The following COL5A3 variants were observed in gnomAD, a reference collection of about 807,000 sequenced individuals.
The protein encoded by COL5A3 is collagen type V alpha 3 chain, also known as collagen alpha-3(V) chain.
A neutral mutation model predicts 250.0 loss-of-function variants in COL5A3; 172 were observed. The observed-to-expected ratio is 0.69, with a 90% CI of 0.61 to 0.78. The LOEUF (loss-of-function observed/expected upper bound fraction) is 0.78. COL5A3 is among the 30% of genes least tolerant of loss of function. The pLI is 0.00. For synonymous variants in COL5A3, 937 were observed against 900.4 expected (o/e 1.04, Z -0.73); for missense variants, 2,340 against 2,334.4 (o/e 1.00, Z -0.05).
In COL5A3 at chr19:9,996,501, C is replaced by T. The variant is rs377502431; in HGVS notation, c.1354G>A (p.Gly452Ser). 2.1e-5 allele frequency: 34 copies of T among 1,614,000 alleles called. No individual in the cohort carries two copies. The highest frequency in any genetic ancestry group is 1.3e-4 in the African/African-American group (10 of 74,920). The change falls in exon 13 of 67, where the codon GGC becomes AGC. Residue 452 changes from glycine to serine, a missense_variant. Physicochemically the swap from Gly to Ser is moderately conservative, Grantham distance 56 (BLOSUM62 0). This residue lies in a region of COL5A3 where 1,152 missense variants were observed against 1,146.3 expected (regional missense o/e 1.00). Coordinates refer to ENST00000264828, the MANE Select transcript of COL5A3 (RefSeq NM_015719.4). ...GAGACTGGGGGGCCTTTAAAGGAGC[C>T]GCCTGCAAACTGGAACTGGGAGGAA... ...VIMMPFQFAG[G>S]SFKGPPVSFQ...
intron 51 of COL5A3, 53 bp from the exon 52 acceptor site, chr19:9,971,311 C>T (rs767395784): frequency 2.2e-6 from 3 of 1,364,242 alleles, no homozygotes; most frequent in Admixed American, 2.5e-5. Flanking sequence ...AGCAATCATG[C>T]ATTTATGGAA....
rs766123864 is a variant in COL5A3, at chr19:9,967,335, C to T, written c.4458+12G>A. The T allele has an allele frequency of 4.2e-6, 6 of 1,426,464 alleles. No homozygotes were observed. Among genetic ancestry groups the T allele is most frequent in the East Asian group, 6.0e-5 (2 of 33,450 alleles). 88.4% of individuals were successfully genotyped at this position (1,426,464 alleles called of 1,614,324 possible). A position where few individuals can be genotyped will look rare whatever the true frequency, so the allele number is the denominator to read the frequency against. On this transcript the variant is annotated intron_variant, in intron 62 of 66. Transcript: ENST00000264828. ...TTTTGGTGTCCATTCCCCCGCCCCC[C>T]GGGGAACTCACCGGGGGGCCTGGTG... is the stretch of plus-strand genomic sequence containing the variant.
At chr19:9,996,754 G>A (rs2087280016) in intron 11 of COL5A3, 65 bp from the exon 12 acceptor site, 4 of 1,281,030 alleles carry the variant, frequency 3.1e-6, no homozygotes, top group Admixed American at 2.6e-5. Context: ...GCGAGGACAG[G>A]GGAGGCACAG....
chr19:9,968,431 T>A lies in COL5A3; in HGVS notation c.4268A>T (p.Gln1423Leu), dbSNP rs1404780116. Residue 1423 changes from glutamine to leucine, a missense_variant, in exon 59 of 67, where the codon CAG becomes CTG. Gln to Leu is a moderately radical substitution (Grantham distance 113, BLOSUM62 -2). Transcript: ENST00000264828. The surrounding 1 kb of genome is among the most constrained non-coding windows in gnomAD (Gnocchi z 4.1). ...GGGTCCCTGCACGCCTGGCAACCCC[T>A]GATCTCCTTTCTCACCAGCTTCTCC... ...PPGEAGEKGD[Q>L]GLPGVQGPPG... 6 of 1,591,036 alleles carry A rather than the reference T, an allele frequency of 3.8e-6. No individual in the cohort carries two copies.
Position 9,960,400 on chromosome 19 carries a change from C to A in COL5A3, c.*11G>T, listed in dbSNP as rs369236503. On this transcript the variant is annotated 3_prime_UTR_variant, in exon 67 of 67. Transcript: ENST00000264828. ...GGGGCTCCCTCATGGTCCCTCCCAC[C>A]CCGGACACTCTCAGCTGCTGAAGCA... 1.2e-6 allele frequency: 2 copies of A among 1,613,974 alleles called. No homozygotes were observed. Among genetic ancestry groups the A allele is most frequent in the Non-Finnish European group, 8.5e-7 (1 of 1,180,036 alleles).
rs1371150070 is a variant in COL5A3 at position 10,009,662 on chromosome 19, T to C, written c.88+636A>G. Among the ~76,000 whole-genome samples the C allele has an allele frequency of 6.6e-6, 1 of 151,854 alleles. No homozygotes were observed. The highest frequency in any genetic ancestry group is 1.5e-5 in the Non-Finnish European group (1 of 67,980). ...GGGAGGAGATGGGCGCTCGCCAATT[T>C]GGGGCAGAGGAGGAAAAGGGAGAAT... On this transcript the variant is annotated intron_variant, in intron 1 of 66. Transcript: ENST00000264828. The surrounding 1 kb of genome is among the most constrained non-coding windows in gnomAD (Gnocchi z 4.4).
At position 9,995,546 on chromosome 19, in the gene COL5A3, G is replaced by A; in HGVS notation, c.1587+18C>T. ...AGGGATGGATAAGGGGTGGTCTGGG[G>A]ACCTAGCTGTCACTCACCATCTTGC... On this transcript the variant is annotated intron_variant, in intron 16 of 66. Coordinates refer to ENST00000264828, the MANE Select transcript of COL5A3 (RefSeq NM_015719.4). 1 of 1,604,772 alleles carries A rather than the reference G, an allele frequency of 6.2e-7. No homozygotes were observed. Among genetic ancestry groups the A allele is most frequent in the South Asian group, 1.1e-5 (1 of 89,862 alleles).
At chr19:9,977,917 C>T (rs2086946279) in intron 41 of COL5A3, among the ~76,000 whole-genome samples, 2 of 144,500 alleles carry the variant, frequency 1.4e-5, no homozygotes, top group Non-Finnish European at 1.5e-5. Flanking sequence ...TCACTTAGAA[C>T]AAAAGCCATA....
intron 61 of COL5A3, 143 bp from the exon 62 acceptor site, chr19:9,967,543 TCACA>T (rs901806977): frequency 7.9e-6 from 5 of 629,722 alleles, no homozygotes; most frequent in Admixed American, 3.5e-5. Context: ...ACTCACACAC[TCACA>T]CACACACATA....
rs1286217513 is a variant in COL5A3 at position 9,993,949 on chromosome 19, A to G, written c.1588-143T>C. On this transcript the variant is annotated intron_variant, in intron 16 of 66. Coordinates refer to ENST00000264828, the MANE Select transcript of COL5A3 (RefSeq NM_015719.4). ...GTCACTCAGGTTGGAGTGCAGTGGC[A>G]CGTTCTCAGCTCACTGCAACCTCAG... The G allele has an allele frequency of 9.1e-5, 65 of 710,752 alleles. 2 individuals carry two copies. Among genetic ancestry groups the G allele is most frequent in the South Asian group, 8.4e-4 (48 of 56,916 alleles). The allele number at this position is 710,752 out of a possible 1,614,324, so 44.0% of individuals were successfully genotyped here. A position where few individuals can be genotyped will look rare whatever the true frequency, so the allele number is the denominator to read the frequency against.
intron 24 of COL5A3, 24 bp from the exon 25 acceptor site, chr19:9,989,546 G>T (rs375079618): frequency 1.9e-6 from 3 of 1,601,102 alleles, no homozygotes; most frequent in East Asian, 2.2e-5. Context: ...AACAGCAGGG[G>T]AGAGACAGAG....
chr19:9,960,636 G>A lies in COL5A3; in HGVS notation c.5091+15C>T. 1 of 1,613,796 alleles carries A rather than the reference G, an allele frequency of 6.2e-7. No homozygotes were observed. The highest frequency in any genetic ancestry group is 1.1e-5 in the South Asian group (1 of 91,068). On this transcript the variant is annotated intron_variant, in intron 66 of 66. Coordinates refer to ENST00000264828, the MANE Select transcript of COL5A3 (RefSeq NM_015719.4). ...TGCCTCCCCTCTCTAGCTGGCCACTGCCCCACCCTCTTACCCGGCAGCCAT... is the reference window on the plus strand; with the variant it reads ...TGCCTCCCCTCTCTAGCTGGCCACTACCCCACCCTCTTACCCGGCAGCCAT...
At chr19:9,973,494 T>C in intron 50 of COL5A3, 76 bp downstream of exon 50, 5 of 1,466,844 alleles carry the variant, frequency 3.4e-6, no homozygotes, top group Non-Finnish European at 4.7e-6. Context: ...TGTCCAGAGG[T>C]CAAAGTGGCC....
chr19:9,965,506 T>G (rs1244532082), intron 64 of COL5A3, among the ~76,000 whole-genome samples: 1 of 146,196 alleles, frequency 6.8e-6, no homozygotes. Context: ...CAGGCTGGAG[T>G]GCCATGGTGC....
chr19:9,999,621 C>A (rs922282388), intron 8 of COL5A3, among the ~76,000 whole-genome samples: 3 of 139,834 alleles, frequency 2.1e-5, no homozygotes, highest in East Asian at 4.2e-4. Context: ...CCCGCCACCA[C>A]GCCCAGCTAA....
rs2087495917 is a variant in COL5A3 at position 10,009,532 on chromosome 19, C to CCGCCCCGTCT, written c.88+756_88+765dup. On this transcript the variant is annotated intron_variant, in intron 1 of 66. Coordinates refer to ENST00000264828, the MANE Select transcript of COL5A3 (RefSeq NM_015719.4). The surrounding 1 kb of genome is among the most constrained non-coding windows in gnomAD (Gnocchi z 4.4). Reference sequence around the variant, plus strand: ...TTCCACTCCTGCCCCGCCCTGCGCCCCGCCCCGTCTCGCCCCTCACCGCGG... The same window carrying CCGCCCCGTCT: ...TTCCACTCCTGCCCCGCCCTGCGCCCCGCCCCGTCTCGCCCCGTCTCGCCCCTCACCGCGG... Among the ~76,000 whole-genome samples, 1 of 152,082 alleles carries CCGCCCCGTCT rather than the reference C, an allele frequency of 6.6e-6. No individual in the cohort carries two copies. The highest frequency in any genetic ancestry group is 2.1e-4 in the South Asian group (1 of 4,826).
At chr19:9,969,792 A>G in intron 55 of COL5A3, 77 bp downstream of exon 55, 2 of 1,585,174 alleles carry the variant, frequency 1.3e-6, no homozygotes, top group Non-Finnish European at 1.7e-6. Flanking sequence ...GAGTGGTCAT[A>G]GGTCCACCCT....
intron 5 of COL5A3, 124 bp from the exon 6 acceptor site, chr19:10,003,838 A>G (rs1221955212): frequency 2.3e-6 from 3 of 1,323,356 alleles, no homozygotes; most frequent in Non-Finnish European, 3.2e-6. Context: ...ACCTGGAGTC[A>G]ACGTTATTCA....
chr19:9,985,916 A>G (rs1337880433), intron 30 of COL5A3, 21 bp from the exon 31 acceptor site: 1 of 1,613,400 alleles, frequency 6.2e-7, no homozygotes, highest in Non-Finnish European at 8.5e-7. Context: ...GTTATGGGAC[A>G]AAGGTCAGAA....
Sources: gnomAD v4.1 joint callset for allele counts (sites outside exome capture counted in the v4.1 genomes callset) on GRCh38, gnomAD v4.1.1 for gene constraint, gnomAD v4.1.1 regional missense constraint, Gnocchi (gnomAD v3.1) non-coding constraint, MANE v1.5 for transcripts, NCBI Gene and HGNC (gene_info 2026-07-23, HGNC 2026-07-21) for gene names.